FLNB: variants seen among roughly 807,000 people sequenced by gnomAD.
FLNB encodes the protein filamin-B.
Under a neutral mutation model 250.6 loss-of-function variants are expected in FLNB, and 111 were observed. The ratio of observed to expected loss-of-function variants is 0.44; its 90% CI spans 0.38 to 0.52. The LOEUF is 0.52. Ranked by LOEUF, FLNB falls within the 20% of genes least tolerant of loss-of-function variation. FLNB has a pLI of 0.00. For missense variants in FLNB, 2,869 were observed against 3,447.8 expected (o/e 0.83, Z 4.20); for synonymous variants, 1,302 against 1,372.1 (o/e 0.95, Z 1.13).
At chr3:58,119,139 C>G (rs935422525) in intron 19 of FLNB, 150 bp downstream of exon 19, 1 of 713,776 alleles carries the variant, frequency 1.4e-6, no homozygotes. Context: ...GAATTAAGGC[C>G]GTGGTGTGAA....
Position 58,136,138 on chromosome 3 carries a change from A to T in FLNB, c.4831A>T (p.Thr1611Ser). The change falls in exon 28 of 46, where the codon ACG becomes TCG. Residue 1611 changes from threonine to serine, a missense_variant. Thr to Ser is a moderately conservative substitution (Grantham distance 58). Coordinates refer to ENST00000295956, the MANE Select transcript of FLNB (RefSeq NM_001457.4). ...LSPYRIRATQ[T>S]GDASKCLATG... The stretch of plus-strand genomic sequence containing the variant: ...TCCTTATCGCATCCGAGCCACACAG[A>T]CGGGTGATGCCAGCAAGTGCCTGGC... 2 of 1,614,178 alleles carry T rather than the reference A, an allele frequency of 1.2e-6. No individual in the cohort carries two copies. Among genetic ancestry groups the T allele is most frequent in the South Asian group, 2.2e-5 (2 of 91,080 alleles).
At chr3:58,138,788 A>G (rs1187211113) in intron 29 of FLNB, among the ~76,000 whole-genome samples, 1 of 152,234 alleles carries the variant, frequency 6.6e-6, no homozygotes, top group South Asian at 2.1e-4. Context: ...TCCTGGCCTA[A>G]GCCCAGGCAT....
At chr3:58,112,040 G>A (rs571668147) in intron 17 of FLNB, 109 bp from the exon 18 acceptor site, 118 of 1,231,718 alleles carry the variant, frequency 9.6e-5, no homozygotes, top group African/African-American at 6.4e-4. Context: ...GGCCAGGCCC[G>A]TTGCTGGCTG....
intron 42 of FLNB, among the ~76,000 whole-genome samples, chr3:58,160,041 AAAAAAAAC>A (rs537317063): frequency 7.5e-4 from 114 of 151,990 alleles, no homozygotes; most frequent in South Asian, 3.3e-3. Context: ...CTGTCTCCAG[AAAAAAAAC>A]AAAAAAACAA....
At chr3:58,080,622 G>A (rs1235588971) in intron 3 of FLNB, among the ~76,000 whole-genome samples, 1 of 151,232 alleles carries the variant, frequency 6.6e-6, no homozygotes, top group Non-Finnish European at 1.5e-5. Context: ...AGCCTCCCGA[G>A]TAGCTGGGAC....
intron 25 of FLNB, chr3:58,131,929 G>A (rs1379425301): frequency 1.3e-6 from 2 of 1,536,350 alleles, no homozygotes; most frequent in Admixed American, 3.9e-5. Flanking sequence ...GATTTTAGCT[G>A]ACGACACGGA....
chr3:58,097,847 C>T lies in FLNB; in HGVS notation c.1017C>T (p.Ser339=), dbSNP rs2097241809. The T allele has an allele frequency of 6.2e-7, 1 of 1,613,988 alleles. No homozygotes were observed. Among genetic ancestry groups the T allele is most frequent in the Non-Finnish European group, 8.5e-7 (1 of 1,180,014 alleles). ...VTVLFAGQHI[S]KSPFEVSVDK... is the part of the protein sequence containing the mutation. ...TCCTCTTTGCAGGACAGCACATCTCCAAGAGCCCATTTGAAGTGAGTGTTG... is the reference window on the plus strand; with the variant it reads ...TCCTCTTTGCAGGACAGCACATCTCTAAGAGCCCATTTGAAGTGAGTGTTG... Residue 339 remains serine, a synonymous_variant, in exon 7 of 46, where the codon TCC becomes TCT. Transcript: ENST00000295956.
intron 24 of FLNB, among the ~76,000 whole-genome samples, chr3:58,127,549 G>T (rs1191798358): frequency 6.6e-6 from 1 of 152,114 alleles, no homozygotes; most frequent in Admixed American, 6.5e-5. Context: ...ATGATTCTTT[G>T]TGGTGTGGGG....
intron 35 of FLNB, 56 bp downstream of exon 35, chr3:58,148,420 G>A: frequency 1.9e-6 from 3 of 1,572,186 alleles, no homozygotes; most frequent in Non-Finnish European, 2.6e-6. Context: ...GGGAGATGGG[G>A]ACTCTTGCAG....
At chr3:58,152,484 A>G (rs1402387829) in intron 38 of FLNB, among the ~76,000 whole-genome samples, 2 of 152,150 alleles carry the variant, frequency 1.3e-5, no homozygotes, top group Admixed American at 6.5e-5. Flanking sequence ...TGGAGAACGG[A>G]GGGAGCCAGC....
At chr3:58,085,429 C>T (rs1254484689) in intron 4 of FLNB, among the ~76,000 whole-genome samples, 1 of 152,170 alleles carries the variant, frequency 6.6e-6, no homozygotes, top group East Asian at 1.9e-4. Flanking sequence ...CCACCTGAGC[C>T]CAGGAAGAGA....
intron 6 of FLNB, among the ~76,000 whole-genome samples, 164 bp downstream of exon 6, chr3:58,096,382 C>T (rs113111506): frequency 2.0e-5 from 3 of 152,364 alleles, no homozygotes; most frequent in African/African-American, 4.8e-5. Context: ...AGGATTCCCT[C>T]TACTAGCTAG....
intron 1 of FLNB, among the ~76,000 whole-genome samples, chr3:58,049,204 T>G (rs948061840): frequency 9.8e-5 from 15 of 152,330 alleles, no homozygotes; most frequent in African/African-American, 3.6e-4. Context: ...ATGTAACTGA[T>G]ATCTTGTATT....
Position 58,130,816 on chromosome 3 carries a change from C to T in FLNB, c.4298C>T (p.Ser1433Leu), listed in dbSNP as rs142764838. 4.3e-6 allele frequency: 7 copies of T among 1,613,828 alleles called. No homozygotes were observed. Among genetic ancestry groups the T allele is most frequent in the South Asian group, 1.1e-5 (1 of 90,972 alleles). Residue 1433 changes from serine (S) to leucine (L), a missense_variant, in exon 25 of 46, where the codon TCA becomes TTA. Physicochemically the swap from Ser to Leu is moderately radical, Grantham distance 145. This residue lies in a region of FLNB where 1,348 missense variants were observed against 1,466.7 expected (regional missense o/e 0.92). Coordinates refer to ENST00000295956, the MANE Select transcript of FLNB (RefSeq NM_001457.4). ...KVKIAGPGLGSGVRARVLQSF... is the reference protein window; with the variant it reads ...KVKIAGPGLGLGVRARVLQSF... ...AAGATTGCCGGCCCCGGGCTGGGCT[C>T]AGGCGTCCGAGCCCGTGTCCTGCAG...
rs567224000 is a variant in FLNB at position 58,039,101 on chromosome 3, C to T, written c.292+30245C>T. 2.7e-5 allele frequency among the ~76,000 whole-genome samples: 4 copies of T among 147,842 alleles called. No homozygotes were observed. In the East Asian group the frequency reaches 8.0e-4, roughly 29 times the overall value. On this transcript the variant is annotated intron_variant, in intron 1 of 45. Coordinates refer to ENST00000295956, the MANE Select transcript of FLNB (RefSeq NM_001457.4). ...GGAATGCAGTGGCATGATCATAGCT[C>T]ACTGCAGCCTTGACCACGTGGGCTC...
intron 1 of FLNB, among the ~76,000 whole-genome samples, chr3:58,028,298 C>T (rs1413294201): frequency 1.3e-5 from 2 of 152,040 alleles, no homozygotes; most frequent in Admixed American, 6.6e-5. Context: ...AAACGAAGAT[C>T]GAACAGGCTG....
At chr3:58,066,194 T>C (rs908827665) in intron 1 of FLNB, among the ~76,000 whole-genome samples, 1 of 151,730 alleles carries the variant, frequency 6.6e-6, no homozygotes, top group Non-Finnish European at 1.5e-5. Context: ...TCTTCTTCTT[T>C]AAGTTTTCTT....
chr3:58,134,129 GA>G (rs1229096312), intron 26 of FLNB, among the ~76,000 whole-genome samples: 3 of 152,216 alleles, frequency 2.0e-5, no homozygotes, highest in Admixed American at 1.3e-4. Flanking sequence ...GGCATGTTAG[GA>G]ATTGGGCCGC....
At chr3:58,089,693 A>G (rs2107013075) in intron 4 of FLNB, among the ~76,000 whole-genome samples, 1 of 152,344 alleles carries the variant, frequency 6.6e-6, no homozygotes, top group South Asian at 2.1e-4. Context: ...GACATTTTAG[A>G]ATTGGAAATT....
Sources: allele counts gnomAD v4.1 joint callset (sites outside exome capture counted in the v4.1 genomes callset), GRCh38; gene constraint gnomAD v4.1.1; regional missense constraint gnomAD v4.1.1; transcripts MANE v1.5; gene names NCBI Gene and HGNC (gene_info 2026-07-23, HGNC 2026-07-21).